STK32B: variants seen among roughly 807,000 people sequenced by gnomAD.
STK32B encodes serine/threonine kinase 32B.
STK32B carries 43 observed loss-of-function variants against 52.6 expected under a neutral mutation model. That is an observed-to-expected ratio of 0.82 (90% CI 0.64 to 1.05). STK32B has a LOEUF of 1.05. Among genes scored for constraint, STK32B ranks in the 50% least tolerant of loss-of-function variants. The pLI, the probability that STK32B is intolerant of heterozygous loss-of-function variation, is 0.00. For missense variants in STK32B, 621 were observed against 534.6 expected (o/e 1.16, Z -1.59); for synonymous variants, 238 against 204.3 (o/e 1.17, Z -1.41).
At chr4:5,241,448 C>T (rs548961910) in intron 3 of STK32B, among the ~76,000 whole-genome samples, 337 of 152,250 alleles carry the variant, frequency 2.2e-3, no homozygotes, top group Non-Finnish European at 4.0e-3. Flanking sequence ...GTGCAAACAA[C>T]TGAGGGCAAC....
At chr4:5,178,387 C>T (rs1720091046) in intron 3 of STK32B, among the ~76,000 whole-genome samples, 1 of 152,214 alleles carries the variant, frequency 6.6e-6, no homozygotes, top group Non-Finnish European at 1.5e-5. Context: ...GCCCATGAAA[C>T]TATTTTTCCC....
At chr4:5,439,371 T>A (rs1185966430) in intron 6 of STK32B, among the ~76,000 whole-genome samples, 1 of 152,032 alleles carries the variant, frequency 6.6e-6, no homozygotes. Flanking sequence ...GAGCATTTTT[T>A]CATGTGTTTT....
Position 5,243,047 on chromosome 4 carries a change from A to C in STK32B, c.260+74597A>C, listed in dbSNP as rs1306580654. ...GCTTTGTTCTTTTGGCTTAGGATTGACTTGGTGATGCGGGCTCTTTTTTGG... is the reference window on the plus strand; with the variant it reads ...GCTTTGTTCTTTTGGCTTAGGATTGCCTTGGTGATGCGGGCTCTTTTTTGG... On this transcript the variant is annotated intron_variant, in intron 3 of 11. Transcript: ENST00000282908. Among the ~76,000 whole-genome samples the C allele has an allele frequency of 2.0e-5, 3 of 152,076 alleles. No homozygotes were observed. The East Asian group carries it at 5.8e-4, about 29-fold the overall frequency.
At chr4:5,496,482 C>G (rs1192573125) in intron 11 of STK32B, among the ~76,000 whole-genome samples, 3 of 151,858 alleles carry the variant, frequency 2.0e-5, no homozygotes, top group Non-Finnish European at 4.4e-5. Flanking sequence ...ATCTGTCACC[C>G]CTTTCTTTGA....
intron 11 of STK32B, among the ~76,000 whole-genome samples, chr4:5,492,692 G>T (rs1719846014): frequency 6.6e-6 from 1 of 151,086 alleles, no homozygotes; most frequent in Admixed American, 6.6e-5. Flanking sequence ...TGCCCATTCA[G>T]TATGATATTG....
At chr4:5,298,451 G>A (rs1729349565) in intron 3 of STK32B, among the ~76,000 whole-genome samples, 1 of 152,110 alleles carries the variant, frequency 6.6e-6, no homozygotes, top group Non-Finnish European at 1.5e-5. Flanking sequence ...CCCCTGACTG[G>A]AGCTGCTACC....
At chr4:5,077,315 C>T (rs1410336562) in intron 1 of STK32B, among the ~76,000 whole-genome samples, 2 of 152,096 alleles carry the variant, frequency 1.3e-5, no homozygotes, top group East Asian at 1.9e-4. Flanking sequence ...TTGCTGCACG[C>T]AGGCATTTCC....
rs375745319 is a variant in STK32B at position 5,499,121 on chromosome 4, C to T, written c.*38C>T. ...TGCTGCTCAACAGGACTGCACTCGT[C>T]TCTGCCCTGCCCACCCAGAGCCCCT... On this transcript the variant is annotated 3_prime_UTR_variant, in exon 12 of 12. Coordinates refer to ENST00000282908, the MANE Select transcript of STK32B (RefSeq NM_018401.3). 1.3e-6 allele frequency: 2 copies of T among 1,565,090 alleles called. No homozygotes were observed. Among genetic ancestry groups the T allele is most frequent in the African/African-American group, 2.7e-5 (2 of 73,532 alleles).
chr4:5,494,205 T>C (rs1200549425), intron 11 of STK32B, among the ~76,000 whole-genome samples: 1 of 152,196 alleles, frequency 6.6e-6, no homozygotes, highest in Non-Finnish European at 1.5e-5. Context: ...TATTATTGTG[T>C]TGGAGTCTAA....
At chr4:5,176,769 T>C (rs1450973358) in intron 3 of STK32B, among the ~76,000 whole-genome samples, 5 of 152,158 alleles carry the variant, frequency 3.3e-5, no homozygotes, top group Non-Finnish European at 5.9e-5. Context: ...TGATCCTCTG[T>C]TCATGGTCCT....
At chr4:5,444,158 A>T (rs1715110027) in intron 6 of STK32B, among the ~76,000 whole-genome samples, 1 of 151,778 alleles carries the variant, frequency 6.6e-6, no homozygotes, top group African/African-American at 2.4e-5. Flanking sequence ...TGCTTTGTTT[A>T]CCTAATCAAG....
chr4:5,212,528 G>T (rs1266242601), intron 3 of STK32B, among the ~76,000 whole-genome samples: 1 of 152,220 alleles, frequency 6.6e-6, no homozygotes, highest in African/African-American at 2.4e-5. Flanking sequence ...TTTTCCTGCA[G>T]AAGCACCCCA....
intron 2 of STK32B, among the ~76,000 whole-genome samples, chr4:5,140,814 C>T (rs1716386919): frequency 6.6e-6 from 1 of 152,212 alleles, no homozygotes; most frequent in Non-Finnish European, 1.5e-5. Context: ...TAATTGCATG[C>T]AAACTCTGTA....
chr4:5,369,583 TC>T (rs1249411922), intron 4 of STK32B, among the ~76,000 whole-genome samples: 1 of 152,072 alleles, frequency 6.6e-6, no homozygotes, highest in Non-Finnish European at 1.5e-5. Context: ...AAGGTGGGCG[TC>T]CTCATGGGCA....
chr4:5,082,469 G>A (rs1245090365), intron 1 of STK32B, among the ~76,000 whole-genome samples: 1 of 152,162 alleles, frequency 6.6e-6, no homozygotes, highest in Non-Finnish European at 1.5e-5. Flanking sequence ...TTTTGATGAA[G>A]TCTGTGAAGC....
intron 1 of STK32B, among the ~76,000 whole-genome samples, chr4:5,069,727 T>C (rs1311093710): frequency 6.6e-6 from 1 of 152,202 alleles, no homozygotes; most frequent in Admixed American, 6.5e-5. Flanking sequence ...CTGGCAGTAA[T>C]AAGTACTATA....
Position 5,469,844 on chromosome 4 carries a change from C to G in STK32B, c.1106+1774C>G, listed in dbSNP as rs573678263. ...TGTCGTGAGTGGTTTCGGAGCTTAT[C>G]CCAATTTGCCTGTGGTCCTGCCTGC... On this transcript the variant is annotated intron_variant, in intron 11 of 11. Coordinates refer to ENST00000282908, the MANE Select transcript of STK32B (RefSeq NM_018401.3). The surrounding 1 kb of genome is among the most constrained non-coding windows in gnomAD (Gnocchi z 4.7). 3.9e-5 allele frequency among the ~76,000 whole-genome samples: 6 copies of G among 152,312 alleles called. No individual in the cohort carries two copies. The highest frequency in any genetic ancestry group is 2.1e-4 in the South Asian group (1 of 4,826).
At chr4:5,491,929 T>C (rs1719768259) in intron 11 of STK32B, among the ~76,000 whole-genome samples, 1 of 152,236 alleles carries the variant, frequency 6.6e-6, no homozygotes, top group African/African-American at 2.4e-5. Context: ...TTGTGTTCCA[T>C]TGATGTATAT....
chr4:5,398,422 C>T lies in STK32B; in HGVS notation c.472+178C>T, dbSNP rs780725492. Among the ~76,000 whole-genome samples the T allele has an allele frequency of 3.3e-4, 51 of 152,244 alleles. No individual in the cohort carries two copies. The highest frequency in any genetic ancestry group is 5.3e-4 in the Non-Finnish European group (36 of 68,008). On this transcript the variant is annotated intron_variant, in intron 5 of 11. Transcript: ENST00000282908. The surrounding 1 kb of genome is among the most constrained non-coding windows in gnomAD (Gnocchi z 4.9). ...TGTAAATTTCTGGTCCATGTCCTGC[C>T]GTGGTAAGTTGAATCAAAGTTATTT...
Sources: gnomAD v4.1 joint callset for allele counts (sites outside exome capture counted in the v4.1 genomes callset) on GRCh38, gnomAD v4.1.1 for gene constraint, Gnocchi (gnomAD v3.1) non-coding constraint, MANE v1.5 for transcripts, NCBI Gene and HGNC (gene_info 2026-07-23, HGNC 2026-07-21) for gene names.